Variants in PLCL2 observed in about 807,000 individuals in gnomAD.
PLCL2 encodes the protein phospholipase C like 2.
A neutral mutation model predicts 79.6 loss-of-function variants in PLCL2; 4 were observed. The ratio of observed to expected loss-of-function variants is 0.05; its 90% confidence interval spans 0.02 to 0.11. The LOEUF (loss-of-function observed/expected upper bound fraction) is 0.11, where lower values mean the gene tolerates loss of function less well. Among genes scored for constraint, PLCL2 ranks in the 10% least tolerant of loss-of-function variants. PLCL2 has a pLI of 1.00. For missense variants in PLCL2, 895 were observed against 1,291.0 expected, an observed-to-expected ratio of 0.69 and a Z score of 4.70; for synonymous variants, 484 against 457.7, an observed-to-expected ratio of 1.06 and a Z score of -0.73.
At chr3:17,040,651 G>A (rs1281502445) in intron 3 of PLCL2, among the ~76,000 whole-genome samples, 3 of 152,156 alleles carry the variant, frequency 2.0e-5, no homozygotes, top group African/African-American at 4.8e-5. Context: ...CTCACATTAT[G>A]AGGTGTAATG....
chr3:16,892,259 G>T (rs1696368690), intron 1 of PLCL2, among the ~76,000 whole-genome samples: 1 of 152,222 alleles, frequency 6.6e-6, no homozygotes, highest in African/African-American at 2.4e-5. Flanking sequence ...TTCATTTAAA[G>T]ATGGATCTAG....
Position 16,885,264 on chromosome 3 carries a change from A to G in PLCL2, c.225A>G (p.Gly75=). The G allele has an allele frequency of 1.5e-6, 1 of 665,612 alleles. No individual in the cohort carries two copies. Among genetic ancestry groups the G allele is most frequent in the Non-Finnish European group, 2.7e-6 (1 of 368,134 alleles). 41.2% of individuals were successfully genotyped at this position (665,612 alleles called of 1,614,324 possible). ...GDEARASPTR[G]PRGVALAPTP... is the part of the protein sequence containing the mutation. ...AAGCCCGGGCTAGCCCTACCAGGGG[A>G]CCCCGCGGCGTTGCGCTCGCCCCGA... The change falls in exon 1 of 6, where the codon GGA becomes GGG. Residue 75 remains glycine, a synonymous_variant. Coordinates refer to ENST00000615277, the MANE Select transcript of PLCL2 (RefSeq NM_001144382.2).
intron 4 of PLCL2, among the ~76,000 whole-genome samples, chr3:17,049,025 A>G (rs989773628): frequency 6.6e-6 from 1 of 152,000 alleles, no homozygotes; most frequent in African/African-American, 2.4e-5. Context: ...TTCTAAAAAA[A>G]AAGAAAAGAA....
intron 1 of PLCL2, among the ~76,000 whole-genome samples, chr3:16,969,197 A>G (rs1166385372): frequency 6.6e-6 from 1 of 152,042 alleles, no homozygotes; most frequent in Admixed American, 6.6e-5. Flanking sequence ...ATTGGCCTGA[A>G]GTTTTCTTTT....
intron 1 of PLCL2, among the ~76,000 whole-genome samples, chr3:16,995,537 C>T (rs2064145373): frequency 6.6e-6 from 1 of 152,186 alleles, no homozygotes; most frequent in African/African-American, 2.4e-5. Flanking sequence ...ATTGCAGTCT[C>T]TTTACTACCC....
intron 3 of PLCL2, among the ~76,000 whole-genome samples, chr3:17,040,573 C>T (rs1314240236): frequency 2.0e-5 from 3 of 152,096 alleles, no homozygotes; most frequent in Non-Finnish European, 4.4e-5. Context: ...GGGAGTCAGC[C>T]GTGACAGCTG....
chr3:16,975,887 G>A (rs992118719), intron 1 of PLCL2, among the ~76,000 whole-genome samples: 1 of 152,172 alleles, frequency 6.6e-6, no homozygotes, highest in Non-Finnish European at 1.5e-5. Context: ...AATATCTGTG[G>A]AGGTGTAGCT....
chr3:16,986,886 T>C (rs13071645), intron 1 of PLCL2, among the ~76,000 whole-genome samples: 88,736 of 151,772 alleles, frequency 0.58, 26,247 homozygotes, highest in African/African-American at 0.65. Context: ...ACATACAGCT[T>C]CTAAATATTT....
At chr3:16,963,976 T>A (rs1435601504) in intron 1 of PLCL2, among the ~76,000 whole-genome samples, 1 of 152,182 alleles carries the variant, frequency 6.6e-6, no homozygotes, top group Non-Finnish European at 1.5e-5. Context: ...AAATAAAGAA[T>A]GTAAAAGTTA....
At position 16,887,242 on chromosome 3, in the gene PLCL2, C is replaced by A. The variant is rs561181315; in HGVS notation, c.327+1876C>A. Among the ~76,000 whole-genome samples the A allele has an allele frequency of 6.6e-6, 1 of 152,278 alleles. No individual in the cohort carries two copies. The highest frequency in any genetic ancestry group is 1.9e-4 in the East Asian group (1 of 5,190). Reference sequence around the variant, plus strand: ...TCTGAAACTTTTAAGGATATTTTGTCATTTTTCTTCTTTGTAAAGAAAGCA... The same window carrying A: ...TCTGAAACTTTTAAGGATATTTTGTAATTTTTCTTCTTTGTAAAGAAAGCA... On this transcript the variant is annotated intron_variant, in intron 1 of 5. Coordinates refer to ENST00000615277, the MANE Select transcript of PLCL2 (RefSeq NM_001144382.2). The surrounding 1 kb of genome is among the most constrained non-coding windows in gnomAD (Gnocchi z 4.1).
chr3:16,945,787 T>C (rs945868983), intron 1 of PLCL2, among the ~76,000 whole-genome samples: 1 of 152,166 alleles, frequency 6.6e-6, no homozygotes, highest in African/African-American at 2.4e-5. Flanking sequence ...CACAGCAAAT[T>C]TGTAGACCCT....
chr3:16,976,297 T>A (rs1240055579), intron 1 of PLCL2, among the ~76,000 whole-genome samples: 3 of 152,112 alleles, frequency 2.0e-5, no homozygotes, highest in South Asian at 2.1e-4. Context: ...TTGTAGGGGC[T>A]GGCATCTCCA....
intron 1 of PLCL2, among the ~76,000 whole-genome samples, chr3:16,982,970 A>C (rs1331300873): frequency 6.6e-6 from 1 of 152,174 alleles, no homozygotes; most frequent in Non-Finnish European, 1.5e-5. Flanking sequence ...TCTGTTATCT[A>C]CCATTAGTGG....
At chr3:17,054,081 C>T (rs2064869977) in intron 4 of PLCL2, among the ~76,000 whole-genome samples, 1 of 152,074 alleles carries the variant, frequency 6.6e-6, no homozygotes, top group Non-Finnish European at 1.5e-5. Flanking sequence ...TCTTCCTGTG[C>T]ATATGAGCAT....
At chr3:16,919,075 A>C (rs1261814031) in intron 1 of PLCL2, among the ~76,000 whole-genome samples, 2 of 152,142 alleles carry the variant, frequency 1.3e-5, no homozygotes, top group Non-Finnish European at 2.9e-5. Context: ...AGTTTAATTA[A>C]AATTTTTAGT....
chr3:16,898,788 A>G (rs1696546796), intron 1 of PLCL2, among the ~76,000 whole-genome samples: 1 of 152,248 alleles, frequency 6.6e-6, no homozygotes, highest in Non-Finnish European at 1.5e-5. Flanking sequence ...GGACCACGGG[A>G]TCTATTAGTT....
intron 1 of PLCL2, among the ~76,000 whole-genome samples, chr3:16,906,121 T>C: frequency 6.6e-6 from 1 of 152,262 alleles, no homozygotes; most frequent in South Asian, 2.1e-4. Context: ...TCTGTTAATA[T>C]TATATATTAA....
At chr3:17,070,598 G>A (rs1478239988) in intron 5 of PLCL2, among the ~76,000 whole-genome samples, 2 of 152,142 alleles carry the variant, frequency 1.3e-5, no homozygotes, top group East Asian at 3.9e-4. Context: ...CTGTAGAATG[G>A]GGTTTTTTTT....
Position 17,011,290 on chromosome 3 carries a change from T to C in PLCL2, c.1944T>C (p.Phe648=). 2 of 1,614,244 alleles carry C rather than the reference T, an allele frequency of 1.2e-6. No individual in the cohort carries two copies. Among genetic ancestry groups the C allele is most frequent in the South Asian group, 2.2e-5 (2 of 91,090 alleles). The part of the protein sequence containing the change: ...QVQKYWEVCS[F]NEVLASKYAN... ...AGAAGTACTGGGAAGTCTGTTCCTT[T>C]AATGAAGTGCTTGCCAGCAAGTACG... The change falls in exon 2 of 6, where the codon TTT becomes TTC. Residue 648 remains phenylalanine, a synonymous_variant. Coordinates refer to ENST00000615277, the MANE Select transcript of PLCL2 (RefSeq NM_001144382.2). This position sits in a 1 kb window ranked among gnomAD's most constrained non-coding sequence, Gnocchi z 7.9.
Sources: gnomAD v4.1 joint callset for allele counts (sites outside exome capture counted in the v4.1 genomes callset) on GRCh38, gnomAD v4.1.1 for gene constraint, Gnocchi (gnomAD v3.1) non-coding constraint, MANE v1.5 for transcripts, NCBI Gene and HGNC (gene_info 2026-07-23, HGNC 2026-07-21) for gene names.